Variants in KAZN observed in about 807,000 individuals in gnomAD.
KAZN encodes kazrin, periplakin interacting protein.
Under a neutral mutation model 87.4 loss-of-function variants are expected in KAZN, and 40 were observed. The ratio of observed to expected loss-of-function variants is 0.46; its 90% confidence interval spans 0.36 to 0.60. KAZN has a LOEUF of 0.60. Among genes scored for constraint, KAZN ranks in the 20% least tolerant of loss-of-function variants. The pLI is 0.00. For synonymous variants in KAZN, 466 were observed against 458.3 expected (o/e 1.02, Z -0.22); for missense variants, 898 against 1,073.9 (o/e 0.84, Z 2.29).
intron 2 of KAZN, among the ~76,000 whole-genome samples, chr1:14,328,748 GAA>G (rs3084955): frequency 0.2 from 11,069 of 56,460 alleles, 514 homozygotes; most frequent in East Asian, 0.26. Context: ...ATCCCTAACT[GAA>G]AAAAAAAAAA....
intron 2 of KAZN, among the ~76,000 whole-genome samples, chr1:14,338,546 A>AAC (rs144946525): frequency 0.018 from 2,705 of 151,896 alleles, 73 homozygotes; most frequent in African/African-American, 0.062. Flanking sequence ...AAAACATGTA[A>AAC]ACAAAAGCCT....
chr1:14,044,545 G>T (rs756845617), intron 1 of KAZN, among the ~76,000 whole-genome samples: 3 of 152,090 alleles, frequency 2.0e-5, no homozygotes, highest in African/African-American at 4.8e-5. Flanking sequence ...GTGCTAAGAA[G>T]AATGACTAGC....
chr1:14,279,158 A>C (rs1652648341), intron 2 of KAZN, among the ~76,000 whole-genome samples: 1 of 152,158 alleles, frequency 6.6e-6, no homozygotes, highest in Non-Finnish European at 1.5e-5. Flanking sequence ...AATGTAGCTA[A>C]ATACTAAAGA....
intron 2 of KAZN, among the ~76,000 whole-genome samples, chr1:14,555,425 G>A (rs780161983): frequency 6.6e-6 from 1 of 152,184 alleles, no homozygotes; most frequent in African/African-American, 2.4e-5. Context: ...TTCTACAATT[G>A]TAGTTTCTCA....
intron 1 of KAZN, among the ~76,000 whole-genome samples, chr1:14,624,361 G>A (rs1678939068): frequency 6.6e-6 from 1 of 151,972 alleles, no homozygotes; most frequent in Non-Finnish European, 1.5e-5. Context: ...GGCGGAGGTT[G>A]CAGTGAGCCA....
At chr1:14,966,720 G>A (rs1362756357) in intron 2 of KAZN, among the ~76,000 whole-genome samples, 1 of 151,900 alleles carries the variant, frequency 6.6e-6, no homozygotes, top group Non-Finnish European at 1.5e-5. Flanking sequence ...CACCCAGACT[G>A]GAGTACAGTG....
rs372404465 is a variant in KAZN, at chr1:14,119,086, A to T, written c.92-61349A>T. Among the ~76,000 whole-genome samples the T allele has an allele frequency of 1.2e-4, 18 of 152,330 alleles. No individual in the cohort carries two copies. The East Asian group carries it at 3.5e-3, about 29-fold the overall frequency. ...ACCCTTTGCTAGAGCCAGGATTCTG[A>T]ATCTTTTTCAGAGACAACACTAGGT... On this transcript the variant is annotated intron_variant, in intron 1 of 16. Coordinates refer to the KAZN transcript ENST00000636203.
At chr1:14,781,742 C>G (rs772315229) in intron 1 of KAZN, among the ~76,000 whole-genome samples, 1 of 152,146 alleles carries the variant, frequency 6.6e-6, no homozygotes, top group Non-Finnish European at 1.5e-5. Context: ...TTTGGGAGGC[C>G]TAGATGGGAG....
At chr1:15,082,565 A>G (rs1037097562) in intron 8 of KAZN, among the ~76,000 whole-genome samples, 1 of 152,250 alleles carries the variant, frequency 6.6e-6, no homozygotes, top group Non-Finnish European at 1.5e-5. Context: ...GTGTCTGCCA[A>G]TGGCACTCTG....
At chr1:14,201,094 T>A (rs1367096989) in intron 2 of KAZN, among the ~76,000 whole-genome samples, 3 of 152,212 alleles carry the variant, frequency 2.0e-5, no homozygotes, top group African/African-American at 7.2e-5. Context: ...AGATAATGAA[T>A]GATGAGCAAA....
chr1:14,354,298 G>A (rs983309580), intron 2 of KAZN, among the ~76,000 whole-genome samples: 3 of 151,814 alleles, frequency 2.0e-5, no homozygotes, highest in Non-Finnish European at 4.4e-5. Context: ...GATGCAGAAG[G>A]ATGAAAAAAA....
intron 2 of KAZN, among the ~76,000 whole-genome samples, chr1:14,342,874 C>T (rs1212685585): frequency 6.6e-6 from 1 of 152,158 alleles, no homozygotes; most frequent in Admixed American, 6.5e-5. Flanking sequence ...GGTGCAGTGG[C>T]TCACGCCTGT....
chr1:14,317,024 A>G (rs1256680921), intron 2 of KAZN, among the ~76,000 whole-genome samples: 4 of 151,964 alleles, frequency 2.6e-5, no homozygotes. Flanking sequence ...CTGTTGAAGT[A>G]GTCTATAAAT....
At chr1:14,854,080 G>A (rs1649789429) in intron 1 of KAZN, among the ~76,000 whole-genome samples, 1 of 152,180 alleles carries the variant, frequency 6.6e-6, no homozygotes, top group Non-Finnish European at 1.5e-5. Flanking sequence ...AGGGCCATCA[G>A]AGGACCAGGG....
intron 1 of KAZN, among the ~76,000 whole-genome samples, chr1:14,757,937 T>G (rs1256035982): frequency 1.3e-5 from 2 of 152,172 alleles, no homozygotes; most frequent in Non-Finnish European, 2.9e-5. Flanking sequence ...TACGTTTTGG[T>G]TAACAGTGAC....
chr1:14,635,182 G>A (rs1679874334), intron 1 of KAZN, among the ~76,000 whole-genome samples: 1 of 152,234 alleles, frequency 6.6e-6, no homozygotes, highest in African/African-American at 2.4e-5. Flanking sequence ...TGGTGGAATG[G>A]ATTAGGGAGG....
At chr1:14,755,086 G>GAA (rs763767893) in intron 1 of KAZN, among the ~76,000 whole-genome samples, 3 of 49,994 alleles carry the variant, frequency 6.0e-5, no homozygotes, top group African/African-American at 4.2e-4. Flanking sequence ...TACTAAAAAT[G>GAA]CAAAAAAAAA....
chr1:13,986,469 T>A (rs1187024179), intron 1 of KAZN, among the ~76,000 whole-genome samples: 1 of 152,230 alleles, frequency 6.6e-6, no homozygotes, highest in Non-Finnish European at 1.5e-5. Flanking sequence ...AAAAATTATC[T>A]CCAAATTAAT....
chr1:14,620,663 C>T (rs937608056), intron 1 of KAZN, among the ~76,000 whole-genome samples: 2 of 152,114 alleles, frequency 1.3e-5, no homozygotes, highest in African/African-American at 4.8e-5. Flanking sequence ...GCTGGAATAC[C>T]ACAGTGGGCA....
Sources: allele counts gnomAD v4.1 joint callset (sites outside exome capture counted in the v4.1 genomes callset), GRCh38; gene constraint gnomAD v4.1.1; transcripts MANE v1.5; gene names NCBI Gene and HGNC (gene_info 2026-07-23, HGNC 2026-07-21).